Variants in CADPS observed in about 807,000 individuals in gnomAD.
CADPS encodes calcium dependent secretion activator.
A neutral mutation model predicts 167.3 loss-of-function variants in CADPS; 57 were observed. That is an observed-to-expected ratio of 0.34 (90% CI 0.28 to 0.42). The LOEUF is 0.42. Among genes scored for constraint, CADPS ranks in the 20% least tolerant of loss-of-function variants. CADPS has a pLI of 1.00. For synonymous variants in CADPS, 676 were observed against 635.3 expected, an observed-to-expected ratio of 1.06 and a Z score of -0.96; for missense variants, 1,414 against 1,738.1, an observed-to-expected ratio of 0.81 and a Z score of 3.32.
intron 1 of CADPS, among the ~76,000 whole-genome samples, chr3:62,823,585 C>T (rs779838386): frequency 2.6e-5 from 4 of 152,130 alleles, no homozygotes; most frequent in African/African-American, 4.8e-5. Context: ...AAGATCAATG[C>T]GTATCTCCAG....
At chr3:62,733,109 C>T (rs1306774454) in intron 3 of CADPS, among the ~76,000 whole-genome samples, 1 of 152,216 alleles carries the variant, frequency 6.6e-6, no homozygotes, top group Non-Finnish European at 1.5e-5. Flanking sequence ...ATTAAGCATA[C>T]TTCCAATTAA....
At chr3:62,796,846 T>C (rs372560896) in intron 1 of CADPS, among the ~76,000 whole-genome samples, 2 of 152,300 alleles carry the variant, frequency 1.3e-5, no homozygotes, top group East Asian at 1.9e-4. Flanking sequence ...AATCAAAAAA[T>C]GTGTGACAGA....
intron 3 of CADPS, among the ~76,000 whole-genome samples, chr3:62,707,107 C>T (rs1029679774): frequency 2.6e-5 from 4 of 152,054 alleles, no homozygotes; most frequent in African/African-American, 4.8e-5. Context: ...GACCCACTAC[C>T]GGTCCTTGGC....
intron 27 of CADPS, among the ~76,000 whole-genome samples, chr3:62,442,937 T>C (rs2056600544): frequency 6.6e-6 from 1 of 152,254 alleles, no homozygotes; most frequent in African/African-American, 2.4e-5. Context: ...GTGTATTATG[T>C]ACTATTGTTT....
At chr3:62,662,034 T>C (rs1335257628) in intron 4 of CADPS, among the ~76,000 whole-genome samples, 1 of 152,122 alleles carries the variant, frequency 6.6e-6, no homozygotes, top group Non-Finnish European at 1.5e-5. Flanking sequence ...AATGTTTAAG[T>C]GGAAATGTTC....
intron 24 of CADPS, 187 bp downstream of exon 24, chr3:62,473,986 C>T: frequency 2.1e-6 from 1 of 484,258 alleles, no homozygotes; most frequent in Non-Finnish European, 3.6e-6. Context: ...ACATTCTCAT[C>T]AGCACATGCC....
chr3:62,564,664 T>C (rs2079804635), intron 9 of CADPS, among the ~76,000 whole-genome samples: 1 of 150,622 alleles, frequency 6.6e-6, no homozygotes, highest in South Asian at 2.1e-4. Context: ...TGGAGTGCAG[T>C]GGCATGATCT....
intron 21 of CADPS, among the ~76,000 whole-genome samples, chr3:62,484,887 A>G (rs1006802271): frequency 2.6e-5 from 4 of 152,192 alleles, no homozygotes; most frequent in African/African-American, 9.6e-5. Context: ...GCATGCATAT[A>G]TGTAGCACAT....
At chr3:62,407,331 C>T (rs1708888400) in intron 28 of CADPS, among the ~76,000 whole-genome samples, 1 of 152,190 alleles carries the variant, frequency 6.6e-6, no homozygotes, top group African/African-American at 2.4e-5. Context: ...CAAGTAGCCC[C>T]TTAACCATGC....
intron 1 of CADPS, among the ~76,000 whole-genome samples, chr3:62,820,025 G>A (rs2094824510): frequency 3.0e-5 from 1 of 33,802 alleles, no homozygotes; most frequent in African/African-American, 6.7e-5. Flanking sequence ...ACATATGCAT[G>A]TGTGCACACA....
At chr3:62,424,917 G>A (rs1226762759) in intron 28 of CADPS, among the ~76,000 whole-genome samples, 1 of 152,130 alleles carries the variant, frequency 6.6e-6, no homozygotes, top group African/African-American at 2.4e-5. Flanking sequence ...TTTAACAAAT[G>A]GTTATTGAAG....
chr3:62,743,441 C>G (rs760800764), intron 3 of CADPS, among the ~76,000 whole-genome samples: 5 of 152,146 alleles, frequency 3.3e-5, no homozygotes, highest in Non-Finnish European at 5.9e-5. Flanking sequence ...TTACCAACTC[C>G]TAGTTTATTT....
intron 10 of CADPS, among the ~76,000 whole-genome samples, chr3:62,550,647 T>C (rs2077176403): frequency 1.3e-5 from 2 of 152,136 alleles, no homozygotes; most frequent in South Asian, 4.1e-4. Context: ...ATGATTCAGA[T>C]GGCGCTGGTG....
At chr3:62,651,931 C>T (rs1310173092) in intron 4 of CADPS, among the ~76,000 whole-genome samples, 1 of 152,054 alleles carries the variant, frequency 6.6e-6, no homozygotes, top group Non-Finnish European at 1.5e-5. Flanking sequence ...GAAAAATCCA[C>T]CTCAAACTGG....
At chr3:62,562,115 G>C (rs1475672876) in intron 9 of CADPS, among the ~76,000 whole-genome samples, 1 of 152,200 alleles carries the variant, frequency 6.6e-6, no homozygotes, top group Non-Finnish European at 1.5e-5. Flanking sequence ...TAAGAGCTTG[G>C]AGATTTGGTC....
chr3:62,614,332 T>G (rs2061939181), intron 6 of CADPS, among the ~76,000 whole-genome samples: 1 of 152,212 alleles, frequency 6.6e-6, no homozygotes, highest in Non-Finnish European at 1.5e-5. Flanking sequence ...CCCCATCTTA[T>G]GTTCAAGTCC....
intron 8 of CADPS, among the ~76,000 whole-genome samples, chr3:62,580,419 C>T (rs2083188178): frequency 2.0e-5 from 3 of 151,994 alleles, no homozygotes; most frequent in African/African-American, 7.3e-5. Context: ...GGGAACATCA[C>T]ACTCTGGGGA....
At chr3:62,609,767 T>A (rs577150641) in intron 6 of CADPS, among the ~76,000 whole-genome samples, 3 of 152,230 alleles carry the variant, frequency 2.0e-5, no homozygotes, top group Admixed American at 2.0e-4. Flanking sequence ...GTCCTAGAAG[T>A]GACAGAAGTT....
Position 62,727,486 on chromosome 3 carries a change from A to C in CADPS, c.888+25955T>G, listed in dbSNP as rs148574430. ...ATACCCACCTTTTCTCTGATTTTGC[A>C]GTTGTCTCCATAGCAATAGTCACAG... On this transcript the variant is annotated intron_variant, in intron 3 of 29. Coordinates refer to ENST00000383710, the MANE Select transcript of CADPS (RefSeq NM_003716.4). Among the ~76,000 whole-genome samples the C allele has an allele frequency of 8.6e-4, 130 of 152,010 alleles. 5 individuals are homozygous for C. Among genetic ancestry groups the C allele is most frequent in the African/African-American group, 2.9e-3 (119 of 41,302 alleles).
Sources: gnomAD v4.1 joint callset for allele counts (sites outside exome capture counted in the v4.1 genomes callset) on GRCh38, gnomAD v4.1.1 for gene constraint, MANE v1.5 for transcripts, NCBI Gene and HGNC (gene_info 2026-07-23, HGNC 2026-07-21) for gene names.